CASR: variants seen among roughly 807,000 people sequenced by gnomAD.
The protein encoded by CASR is calcium sensing receptor, also known as extracellular calcium-sensing receptor.
CASR carries 23 observed loss-of-function variants against 69.1 expected under a neutral mutation model. The ratio of observed to expected loss-of-function variants is 0.33; its 90% CI spans 0.24 to 0.47. CASR has a LOEUF of 0.47. CASR is among the 20% of genes least tolerant of loss of function. CASR has a pLI of 1.00. For synonymous variants in CASR, 541 were observed against 544.7 expected (o/e 0.99, Z 0.10); for missense variants, 924 against 1,356.1 (o/e 0.68, Z 5.00).
intron 5 of CASR, among the ~76,000 whole-genome samples, chr3:122,279,049 T>C (rs1221189911): frequency 6.6e-6 from 1 of 152,192 alleles, no homozygotes; most frequent in Non-Finnish European, 1.5e-5. Flanking sequence ...GTGGGATGGC[T>C]TCTGGGAACC....
At chr3:122,187,740 C>T (rs2073800534) in intron 1 of CASR, among the ~76,000 whole-genome samples, 1 of 152,118 alleles carries the variant, frequency 6.6e-6, no homozygotes, top group Non-Finnish European at 1.5e-5. Flanking sequence ...TGTGCAAAAA[C>T]AAGCAATTAA....
chr3:122,185,783 T>G (rs1445755676), intron 1 of CASR, among the ~76,000 whole-genome samples: 2 of 152,118 alleles, frequency 1.3e-5, no homozygotes, highest in East Asian at 3.8e-4. Context: ...GCCTCCCAGG[T>G]GTCCAATGAA....
At chr3:122,256,512 T>C (rs1245322552) in intron 2 of CASR, among the ~76,000 whole-genome samples, 1 of 152,240 alleles carries the variant, frequency 6.6e-6, no homozygotes, top group African/African-American at 2.4e-5. Flanking sequence ...TCATTATTGC[T>C]CTCTGTCTCT....
chr3:122,271,882 T>C (rs974643420), intron 4 of CASR, among the ~76,000 whole-genome samples: 1 of 152,212 alleles, frequency 6.6e-6, no homozygotes, highest in African/African-American at 2.4e-5. Flanking sequence ...ACTGGCTGCT[T>C]CTTCCATATT....
chr3:122,278,803 A>G (rs759910698), intron 5 of CASR, among the ~76,000 whole-genome samples: 1 of 152,224 alleles, frequency 6.6e-6, no homozygotes, highest in Non-Finnish European at 1.5e-5. Flanking sequence ...TCTCCAGTCA[A>G]GCCATTGTGT....
intron 2 of CASR, 111 bp downstream of exon 2, chr3:122,254,485 G>A: frequency 9.3e-7 from 1 of 1,080,218 alleles, no homozygotes; most frequent in East Asian, 2.5e-5. Flanking sequence ...TTCAAGAATA[G>A]TGATTGATTG....
chr3:122,215,621 A>G (rs907233939), intron 1 of CASR, among the ~76,000 whole-genome samples: 1 of 152,212 alleles, frequency 6.6e-6, no homozygotes. Flanking sequence ...AGGTTTCTAT[A>G]TATCCCACTT....
At chr3:122,221,872 T>C (rs2074175284) in intron 1 of CASR, among the ~76,000 whole-genome samples, 1 of 152,236 alleles carries the variant, frequency 6.6e-6, no homozygotes, top group Non-Finnish European at 1.5e-5. Context: ...AAATGTATAA[T>C]ACCTTTTACC....
In CASR at chr3:122,238,835, A is replaced by T. The variant is rs78519614; in HGVS notation, c.-242-15113A>T. Among the ~76,000 whole-genome samples the T allele has an allele frequency of 5.1e-3, 770 of 152,284 alleles. 12 individuals carry two copies. The East Asian group carries it at 0.057, about 11-fold the overall frequency. On this transcript the variant is annotated intron_variant, in intron 1 of 6. Transcript: ENST00000639785. Reference sequence around the variant, plus strand: ...CTAGACATGCCCTGGGCCAGAAGGGAACTCACTGCCTTGAAAGGAATGAGC... The same window carrying T: ...CTAGACATGCCCTGGGCCAGAAGGGTACTCACTGCCTTGAAAGGAATGAGC...
chr3:122,268,971 T>C lies in CASR; in HGVS notation c.1377+6559T>C, dbSNP rs112039840. The stretch of plus-strand genomic sequence containing the variant: ...TGTTTTGGTAAGGATTTTAAGAGTA[T>C]AAACAGGGTTATTGAGGCATAAAGA... On this transcript the variant is annotated intron_variant, in intron 4 of 6. Coordinates refer to ENST00000639785, the MANE Select transcript of CASR (RefSeq NM_000388.4). 6.8e-3 allele frequency among the ~76,000 whole-genome samples: 1,039 copies of C among 152,328 alleles called. 10 individuals are homozygous for C. The highest frequency in any genetic ancestry group is 0.024 in the African/African-American group (989 of 41,574).
In CASR at chr3:122,283,820, G is replaced by C; in HGVS notation, c.1866G>C (p.Leu622=). 1 of 1,614,118 alleles carries C rather than the reference G, an allele frequency of 6.2e-7. No individual in the cohort carries two copies. Among genetic ancestry groups the C allele is most frequent in the Non-Finnish European group, 8.5e-7 (1 of 1,180,032 alleles). The stretch of plus-strand genomic sequence containing the variant: ...TCGCACTCACCCTCTTTGCCGTGCT[G>C]GGCATTTTCCTGACAGCCTTTGTGC... ...FGIALTLFAV[L]GIFLTAFVLG... Residue 622 remains leucine, a synonymous_variant, in exon 7 of 7, where the codon CTG becomes CTC. Transcript: ENST00000639785.
chr3:122,259,811 A>G lies in CASR; in HGVS notation c.493-1717A>G, dbSNP rs570745882. Among the ~76,000 whole-genome samples the G allele has an allele frequency of 1.1e-4, 17 of 152,068 alleles. No homozygotes were observed. In the South Asian group the frequency reaches 3.1e-3, roughly 28 times the overall value. ...CGCCCGGCTAATTTTTTGTATTTTT[A>G]GTCGAGACGGGGTTTCACCGTGTTA... On this transcript the variant is annotated intron_variant, in intron 3 of 6. Coordinates refer to ENST00000639785, the MANE Select transcript of CASR (RefSeq NM_000388.4).
At chr3:122,228,661 G>A (rs1220059026) in intron 1 of CASR, among the ~76,000 whole-genome samples, 2 of 152,248 alleles carry the variant, frequency 1.3e-5, no homozygotes, top group Admixed American at 1.3e-4. Context: ...AGGACAGGAG[G>A]TGCATATGTT....
intron 4 of CASR, among the ~76,000 whole-genome samples, chr3:122,271,285 A>C (rs2074754275): frequency 6.6e-6 from 1 of 152,238 alleles, no homozygotes; most frequent in Non-Finnish European, 1.5e-5. Flanking sequence ...GAAGGAAATA[A>C]GGCAGTTCCT....
chr3:122,276,905 T>A (rs2074828012), intron 5 of CASR, among the ~76,000 whole-genome samples: 1 of 152,166 alleles, frequency 6.6e-6, no homozygotes, highest in Admixed American at 6.5e-5. Flanking sequence ...AGCAGGCTGC[T>A]AAGAATCCAG....
In CASR at chr3:122,283,721, C is replaced by T. The variant is rs1465788605; in HGVS notation, c.1767C>T (p.Phe589=). The T allele has an allele frequency of 6.2e-7, 1 of 1,614,198 alleles. No individual in the cohort carries two copies. The highest frequency in any genetic ancestry group is 8.5e-7 in the Non-Finnish European group (1 of 1,180,014). Reference sequence around the variant, plus strand: ...CCTGTAACAAGTGCCCAGATGACTTCTGGTCCAATGAGAACCACACCTCCT... The same window carrying T: ...CCTGTAACAAGTGCCCAGATGACTTTTGGTCCAATGAGAACCACACCTCCT... ...ASACNKCPDD[F]WSNENHTSCI... The change falls in exon 7 of 7, where the codon TTC becomes TTT. Residue 589 remains phenylalanine, a synonymous_variant. Transcript: ENST00000639785.
chr3:122,213,815 T>C (rs2074090910), intron 1 of CASR, among the ~76,000 whole-genome samples: 1 of 152,210 alleles, frequency 6.6e-6, no homozygotes, highest in Non-Finnish European at 1.5e-5. Context: ...AAGGCAAGGA[T>C]GATCTGAGAT....
intron 1 of CASR, among the ~76,000 whole-genome samples, chr3:122,239,510 C>T (rs1039174954): frequency 1.3e-5 from 2 of 152,240 alleles, no homozygotes; most frequent in African/African-American, 4.8e-5. Flanking sequence ...AAGGGAAGAA[C>T]ACAAGCCTGG....
chr3:122,191,457 G>A (rs768483095), intron 1 of CASR, among the ~76,000 whole-genome samples: 2 of 151,632 alleles, frequency 1.3e-5, no homozygotes, highest in African/African-American at 2.4e-5. Flanking sequence ...GATTACAGGC[G>A]CCCACCACCA....
Sources: gnomAD v4.1 joint callset for allele counts (sites outside exome capture counted in the v4.1 genomes callset) on GRCh38, gnomAD v4.1.1 for gene constraint, MANE v1.5 for transcripts, NCBI Gene and HGNC (gene_info 2026-07-23, HGNC 2026-07-21) for gene names.